Variants in ZNF609 observed in about 807,000 individuals in gnomAD.
The protein encoded by ZNF609 is zinc finger protein 609.
ZNF609 carries 11 observed loss-of-function variants against 109.5 expected under a neutral mutation model. The ratio of observed to expected loss-of-function variants is 0.10; its 90% CI spans 0.06 to 0.17. The LOEUF (loss-of-function observed/expected upper bound fraction) is 0.17, where lower values mean the gene tolerates loss of function less well. Ranked by LOEUF, ZNF609 falls within the 10% of genes least tolerant of loss-of-function variation. ZNF609 has a pLI of 1.00. For missense variants in ZNF609, 1,559 were observed against 1,772.4 expected, an observed-to-expected ratio of 0.88 and a Z score of 2.16; for synonymous variants, 646 against 662.0, an observed-to-expected ratio of 0.98 and a Z score of 0.37.
chr15:64,672,118 T>G (rs961069093), intron 4 of ZNF609, among the ~76,000 whole-genome samples: 4 of 147,490 alleles, frequency 2.7e-5, no homozygotes, highest in Non-Finnish European at 4.5e-5. Flanking sequence ...GTTCACGCCA[T>G]TCTCCTGCCT....
intron 2 of ZNF609, among the ~76,000 whole-genome samples, chr15:64,555,930 T>G (rs1894577815): frequency 3.0e-5 from 4 of 135,068 alleles, no homozygotes; most frequent in Admixed American, 7.5e-5. Flanking sequence ...GAAGATTCAG[T>G]GAAGTATAGA....
intron 2 of ZNF609, among the ~76,000 whole-genome samples, chr15:64,507,043 G>A (rs556875423): frequency 1.2e-3 from 179 of 152,210 alleles, no homozygotes; most frequent in African/African-American, 4.1e-3. Context: ...GGAGGTGGGG[G>A]GAAGACCAAA....
At chr15:64,612,470 G>A (rs941133960) in intron 2 of ZNF609, among the ~76,000 whole-genome samples, 1 of 151,960 alleles carries the variant, frequency 6.6e-6, no homozygotes, top group Non-Finnish European at 1.5e-5. Flanking sequence ...TCTTAGAACT[G>A]TTTGAAGACT....
chr15:64,510,573 C>T (rs567786050), intron 2 of ZNF609, among the ~76,000 whole-genome samples: 7 of 152,092 alleles, frequency 4.6e-5, no homozygotes, highest in South Asian at 2.1e-4. Flanking sequence ...ATCATAGGTA[C>T]GTACGTAGAG....
At chr15:64,605,895 G>A (rs1461369230) in intron 2 of ZNF609, among the ~76,000 whole-genome samples, 15 of 129,906 alleles carry the variant, frequency 1.2e-4, no homozygotes, top group South Asian at 2.5e-4. Flanking sequence ...CACCACGCCC[G>A]GCTAATCTTT....
intron 2 of ZNF609, among the ~76,000 whole-genome samples, chr15:64,513,360 G>T (rs1374360682): frequency 6.6e-6 from 1 of 152,194 alleles, no homozygotes; most frequent in Non-Finnish European, 1.5e-5. Flanking sequence ...CATTTTGCTT[G>T]TACATATGTG....
At chr15:64,486,465 A>G (rs889132418) in intron 1 of ZNF609, among the ~76,000 whole-genome samples, 1 of 151,116 alleles carries the variant, frequency 6.6e-6, no homozygotes, top group African/African-American at 2.4e-5. Context: ...TGGAGGTTTC[A>G]GTGAGCTGAG....
At chr15:64,636,148 G>T (rs1292286046) in intron 3 of ZNF609, among the ~76,000 whole-genome samples, 1 of 151,966 alleles carries the variant, frequency 6.6e-6, no homozygotes, top group African/African-American at 2.4e-5. Context: ...GGTAAACCAA[G>T]CCCATGTACT....
intron 2 of ZNF609, among the ~76,000 whole-genome samples, chr15:64,547,893 G>T (rs536789400): frequency 5.3e-4 from 80 of 152,242 alleles, no homozygotes; most frequent in African/African-American, 1.7e-3. Flanking sequence ...GAGGACGGGG[G>T]TGTAGAGAAA....
At chr15:64,593,451 C>T (rs779265556) in intron 2 of ZNF609, 7 of 647,576 alleles carry the variant, frequency 1.1e-5, no homozygotes, top group Admixed American at 4.9e-5. Context: ...AAAATGTTCA[C>T]GATGCAGTGA....
intron 2 of ZNF609, among the ~76,000 whole-genome samples, chr15:64,512,015 C>CTT (rs148243060): frequency 7.6e-4 from 111 of 145,694 alleles, no homozygotes; most frequent in African/African-American, 2.6e-3. Context: ...ACCCTGCCTA[C>CTT]TTTTTTTTTT....
At chr15:64,545,746 T>A (rs965831150) in intron 2 of ZNF609, among the ~76,000 whole-genome samples, 1 of 152,216 alleles carries the variant, frequency 6.6e-6, no homozygotes, top group Non-Finnish European at 1.5e-5. Flanking sequence ...AGAATATGTA[T>A]AAGAGAAATC....
chr15:64,528,859 G>A, intron 2 of ZNF609: 1 of 890,250 alleles, frequency 1.1e-6, no homozygotes, highest in Non-Finnish European at 1.9e-6. Flanking sequence ...AGCCCAGGAT[G>A]CTCTTGAGGG....
chr15:64,593,816 C>T (rs543192865), intron 2 of ZNF609, among the ~76,000 whole-genome samples: 1 of 152,210 alleles, frequency 6.6e-6, no homozygotes, highest in African/African-American at 2.4e-5. Context: ...CCACTGTACC[C>T]AGCCATTCCA....
At chr15:64,605,453 C>T (rs576825698) in intron 2 of ZNF609, among the ~76,000 whole-genome samples, 1 of 152,104 alleles carries the variant, frequency 6.6e-6, no homozygotes, top group Non-Finnish European at 1.5e-5. Context: ...TAGAGATTAA[C>T]AATGTTGCAA....
intron 3 of ZNF609, among the ~76,000 whole-genome samples, chr15:64,629,812 C>A (rs1357003865): frequency 6.6e-6 from 1 of 152,174 alleles, no homozygotes; most frequent in Non-Finnish European, 1.5e-5. Context: ...CTTCCTACAT[C>A]ATAACTTCCA....
intron 3 of ZNF609, among the ~76,000 whole-genome samples, chr15:64,638,435 G>GA (rs1208297372): frequency 2.0e-5 from 3 of 151,256 alleles, no homozygotes; most frequent in South Asian, 2.1e-4. Context: ...AATTTTTACA[G>GA]AAAAAAAAGT....
At chr15:64,521,914 G>A (rs771173692) in intron 2 of ZNF609, among the ~76,000 whole-genome samples, 8 of 152,164 alleles carry the variant, frequency 5.3e-5, no homozygotes, top group African/African-American at 1.9e-4. Context: ...TAGAGTTGTG[G>A]GCTGGAGATT....
rs759590758 is a variant in ZNF609 at position 64,499,842 on chromosome 15, G to A, written c.423G>A (p.Lys141=). The A allele has an allele frequency of 8.2e-5, 132 of 1,613,954 alleles. No individual in the cohort carries two copies. Among genetic ancestry groups the A allele is most frequent in the Middle Eastern group, 6.6e-4 (4 of 6,080 alleles). The stretch of plus-strand genomic sequence containing the variant: ...GCCTGGTTGCTGCTATTGCTCCCAA[G>A]GGCTCAGAGAAGGCGGCTAAGGCAT... The part of the protein sequence containing the change: ...AGGLVAAIAP[K]GSEKAAKASR... The change falls in exon 2 of 10, where the codon AAG becomes AAA. Residue 141 remains lysine, a synonymous_variant. Coordinates refer to ENST00000326648, the MANE Select transcript of ZNF609 (RefSeq NM_015042.2).
Sources: allele counts gnomAD v4.1 joint callset (sites outside exome capture counted in the v4.1 genomes callset), GRCh38; gene constraint gnomAD v4.1.1; transcripts MANE v1.5; gene names NCBI Gene and HGNC (gene_info 2026-07-23, HGNC 2026-07-21).